EML6: variants seen among roughly 807,000 people sequenced by gnomAD.
The protein encoded by EML6 is EMAP like 6, also known as echinoderm microtubule-associated protein-like 6.
Under a neutral mutation model 240.1 loss-of-function variants are expected in EML6, and 154 were observed. That is an observed-to-expected ratio of 0.64 (90% confidence interval 0.56 to 0.73). The LOEUF is 0.73. EML6 is among the 30% of genes least tolerant of loss of function. EML6 has a pLI of 0.00. For synonymous variants in EML6, 1,148 were observed against 899.0 expected (o/e 1.28, Z -4.95); for missense variants, 2,964 against 2,474.6 (o/e 1.20, Z -4.20).
intron 37 of EML6, 80 bp from the exon 38 acceptor site, chr2:54,964,491 C>G: frequency 7.4e-7 from 1 of 1,359,200 alleles, no homozygotes; most frequent in Non-Finnish European, 1.0e-6. Flanking sequence ...CCTGGAAGGC[C>G]TGTCACAGAC....
chr2:54,950,723 G>A lies in EML6; in HGVS notation c.4157G>A (p.Gly1386Asp). 6.4e-7 allele frequency: 1 copy of A among 1,551,486 alleles called. No homozygotes were observed. Among genetic ancestry groups the A allele is most frequent in the Non-Finnish European group, 8.7e-7 (1 of 1,146,860 alleles). ...AATAACCTGCATTACCTTAATGATG[G>A]CGCTGACATCATCTTCCACACAGCA... Reference protein sequence around the residue: ...CRNNLHYLNDGADIIFHTAAA... With the variant: ...CRNNLHYLNDDADIIFHTAAA... Residue 1386 changes from glycine to aspartate, a missense_variant, in exon 30 of 42, where the codon GGC becomes GAC. Gly to Asp is a moderately conservative substitution (Grantham distance 94, BLOSUM62 -1). Coordinates refer to ENST00000356458, the MANE Select transcript of EML6 (RefSeq NM_001039753.4).
intron 2 of EML6, among the ~76,000 whole-genome samples, chr2:54,748,755 G>A (rs960598525): frequency 6.6e-6 from 1 of 152,020 alleles, no homozygotes; most frequent in Non-Finnish European, 1.5e-5. Context: ...TAGAGACAGG[G>A]TCTTGCTTTG....
intron 5 of EML6, among the ~76,000 whole-genome samples, chr2:54,824,486 C>T (rs1668493772): frequency 1.3e-5 from 2 of 152,234 alleles, no homozygotes; most frequent in Admixed American, 6.5e-5. Flanking sequence ...CCCCAGAAAA[C>T]CTACCTTAAC....
chr2:54,906,680 A>C (rs1361567517), intron 24 of EML6, among the ~76,000 whole-genome samples: 1 of 152,276 alleles, frequency 6.6e-6, no homozygotes, highest in East Asian at 1.9e-4. Context: ...TTAGGGAGGA[A>C]TTACACCATC....
At chr2:54,730,275 T>C (rs1203642407) in intron 2 of EML6, among the ~76,000 whole-genome samples, 5 of 152,146 alleles carry the variant, frequency 3.3e-5, no homozygotes, top group Non-Finnish European at 7.4e-5. Context: ...GCTCAAATAA[T>C]CTAGTGCTGC....
intron 2 of EML6, among the ~76,000 whole-genome samples, chr2:54,741,085 C>T (rs73934812): frequency 0.044 from 6,705 of 152,168 alleles, 504 homozygotes; most frequent in African/African-American, 0.15. Flanking sequence ...GCAGGCCACA[C>T]GATCACAGCG....
In EML6 at chr2:54,892,508, CAA is replaced by C. The variant is rs1558657364; in HGVS notation, c.2595_2596del (p.Met866AspfsTer37). 1 of 1,551,408 alleles carries C rather than the reference CAA, an allele frequency of 6.4e-7. No homozygotes were observed. Among genetic ancestry groups the C allele is most frequent in the Admixed American group, 2.0e-5 (1 of 50,992 alleles). ...TTTGGAAGCGTTGGAAAATTGGAAA[CAA>C]TGATGTGTGTTTCTTACGGACGAAT... On this transcript the variant is annotated frameshift_variant, in exon 19 of 42. Transcript: ENST00000356458. LOFTEE classifies it high-confidence loss of function.
intron 26 of EML6, among the ~76,000 whole-genome samples, chr2:54,920,589 T>C (rs1674171975): frequency 1.3e-5 from 2 of 152,102 alleles, no homozygotes. Context: ...AGAAAAAATA[T>C]TGCCAATCCT....
intron 2 of EML6, among the ~76,000 whole-genome samples, chr2:54,733,777 G>A (rs972936521): frequency 2.6e-5 from 4 of 152,112 alleles, no homozygotes; most frequent in Admixed American, 2.6e-4. Flanking sequence ...CTCTATCATG[G>A]GTCAGAATGT....
chr2:54,961,439 G>A (rs907786459), intron 35 of EML6, among the ~76,000 whole-genome samples: 9 of 151,266 alleles, frequency 5.9e-5, no homozygotes, highest in African/African-American at 1.2e-4. Context: ...CACCCACCAC[G>A]GCCTCCCAAA....
intron 13 of EML6, 115 bp downstream of exon 13, chr2:54,864,004 C>A: frequency 3.3e-6 from 2 of 603,182 alleles, no homozygotes; most frequent in Non-Finnish European, 2.9e-6. Context: ...GAGGCAAAAA[C>A]AAGAAAAATA....
chr2:54,853,343 C>T (rs1042904268), intron 10 of EML6, among the ~76,000 whole-genome samples: 1 of 152,022 alleles, frequency 6.6e-6, no homozygotes, highest in Non-Finnish European at 1.5e-5. Flanking sequence ...TTGATACATT[C>T]ATGTGTTTAT....
chr2:54,892,605 G>T lies in EML6; in HGVS notation c.2691G>T (p.Lys897Asn). 3 of 1,551,800 alleles carry T rather than the reference G, an allele frequency of 1.9e-6. No homozygotes were observed. Among genetic ancestry groups the T allele is most frequent in the South Asian group, 2.4e-5 (2 of 84,054 alleles). Reference sequence around the variant, plus strand: ...TTTGGAAAGACATTCTACTACTGAAGACAGTGAAAGCTCATGATGGGCCTG... The same window carrying T: ...TTTGGAAAGACATTCTACTACTGAATACAGTGAAAGCTCATGATGGGCCTG... ...IFIWKDILLL[K>N]TVKAHDGPVF... is the part of the protein sequence containing the mutation. The change falls in exon 19 of 42, where the codon AAG becomes AAT. Residue 897 changes from lysine (K) to asparagine (N), a missense_variant. By Grantham distance (94) the Lys-to-Asn change is moderately conservative. Coordinates refer to ENST00000356458, the MANE Select transcript of EML6 (RefSeq NM_001039753.4).
chr2:54,816,169 A>C (rs1572943641), intron 3 of EML6, among the ~76,000 whole-genome samples: 1 of 152,202 alleles, frequency 6.6e-6, no homozygotes, highest in East Asian at 1.9e-4. Context: ...TGTTTTTCAC[A>C]CTTTTGGTTT....
chr2:54,816,564 G>C (rs1216721082), intron 3 of EML6, among the ~76,000 whole-genome samples: 1 of 152,178 alleles, frequency 6.6e-6, no homozygotes, highest in Non-Finnish European at 1.5e-5. Context: ...ACTTAAAAAG[G>C]ATAAAGGAGC....
At chr2:54,816,365 G>A (rs966601391) in intron 3 of EML6, among the ~76,000 whole-genome samples, 3 of 152,060 alleles carry the variant, frequency 2.0e-5, no homozygotes, top group Non-Finnish European at 2.9e-5. Flanking sequence ...TATTCTATTC[G>A]TCAAACCCTT....
intron 6 of EML6, among the ~76,000 whole-genome samples, chr2:54,829,131 A>G (rs1457535355): frequency 6.6e-6 from 1 of 152,186 alleles, no homozygotes; most frequent in Non-Finnish European, 1.5e-5. Flanking sequence ...CACTTGAACT[A>G]GTTTGCTTTT....
intron 7 of EML6, among the ~76,000 whole-genome samples, chr2:54,835,469 C>T (rs1359071813): frequency 6.6e-6 from 1 of 152,136 alleles, no homozygotes; most frequent in African/African-American, 2.4e-5. Flanking sequence ...TTGTGTCAAC[C>T]TGTGACATGC....
intron 4 of EML6, among the ~76,000 whole-genome samples, chr2:54,817,267 T>A (rs1401997778): frequency 6.6e-6 from 1 of 152,216 alleles, no homozygotes; most frequent in Non-Finnish European, 1.5e-5. Context: ...TTTGAATGAG[T>A]GTAATGACAA....
Sources: gnomAD v4.1 joint callset for allele counts (sites outside exome capture counted in the v4.1 genomes callset) on GRCh38, gnomAD v4.1.1 for gene constraint, MANE v1.5 for transcripts, NCBI Gene and HGNC (gene_info 2026-07-23, HGNC 2026-07-21) for gene names.